SRRM4: variants seen among roughly 807,000 people sequenced by gnomAD.
SRRM4 encodes the protein serine/arginine repetitive matrix 4.
Under a neutral mutation model 68.9 loss-of-function variants are expected in SRRM4, and 33 were observed. That is an observed-to-expected ratio of 0.48 (90% CI 0.36 to 0.64). SRRM4 has a LOEUF of 0.64. Ranked by LOEUF, SRRM4 falls within the 30% of genes least tolerant of loss-of-function variation. The pLI is 0.00. For missense variants in SRRM4, 817 were observed against 827.1 expected (o/e 0.99, Z 0.15); for synonymous variants, 318 against 318.8 (o/e 1.00, Z 0.03).
At chr12:119,059,003 G>C (rs948918869) in intron 1 of SRRM4, among the ~76,000 whole-genome samples, 8 of 152,100 alleles carry the variant, frequency 5.3e-5, no homozygotes, top group African/African-American at 1.9e-4. Flanking sequence ...CCTCTCCTTA[G>C]ATTGCAGCTA....
chr12:119,114,418 A>G, intron 3 of SRRM4, 54 bp downstream of exon 3: 3 of 1,459,452 alleles, frequency 2.1e-6, no homozygotes, highest in Middle Eastern at 1.7e-4. Context: ...GGGACAAAAT[A>G]TGGGTTTCAA....
intron 8 of SRRM4, among the ~76,000 whole-genome samples, chr12:119,140,677 G>C (rs968649991): frequency 6.6e-6 from 1 of 152,226 alleles, no homozygotes; most frequent in African/African-American, 2.4e-5. Flanking sequence ...TAAGAAGTAA[G>C]AAGACCCAGC....
chr12:119,092,177 G>C (rs1289620592), intron 1 of SRRM4, among the ~76,000 whole-genome samples: 1 of 152,162 alleles, frequency 6.6e-6, no homozygotes, highest in Admixed American at 6.5e-5. Context: ...TGCCACTGGA[G>C]CTTACCTCCC....
At chr12:119,024,267 C>G (rs566768654) in intron 1 of SRRM4, among the ~76,000 whole-genome samples, 4 of 152,334 alleles carry the variant, frequency 2.6e-5, no homozygotes, top group Non-Finnish European at 5.9e-5. Context: ...AACTCAAACT[C>G]TGCTGACCCC....
At chr12:119,079,618 C>A (rs983267291) in intron 1 of SRRM4, among the ~76,000 whole-genome samples, 9 of 152,186 alleles carry the variant, frequency 5.9e-5, no homozygotes, top group Admixed American at 5.9e-4. Flanking sequence ...GCACACTTAG[C>A]CTTGCCCTGT....
Position 119,064,568 on chromosome 12 carries a change from C to A in SRRM4, c.132-37668C>A, listed in dbSNP as rs1347786385. Among the ~76,000 whole-genome samples, 3 of 152,296 alleles carry A rather than the reference C, an allele frequency of 2.0e-5. No homozygotes were observed. In the South Asian group the frequency reaches 6.2e-4, roughly 32 times the overall value. On this transcript the variant is annotated intron_variant, in intron 1 of 12. Transcript: ENST00000267260. The stretch of plus-strand genomic sequence containing the variant: ...TGGAAAGAACACTTCAGAAAACTAG[C>A]TATAACTCCGCTCTTAACCTGCTGT...
At chr12:119,002,499 T>A (rs916290531) in intron 1 of SRRM4, among the ~76,000 whole-genome samples, 1 of 152,204 alleles carries the variant, frequency 6.6e-6, no homozygotes, top group Non-Finnish European at 1.5e-5. Context: ...GGCACTGGCG[T>A]TGTCAGAAAC....
Position 118,983,903 on chromosome 12 carries a change from C to T in SRRM4, c.131+1890C>T, listed in dbSNP as rs143325369. ...TGAGACTTTTATAATACTCCACTCC[C>T]CCTCTGCAACCAGTATCATTTCACT... is the stretch of plus-strand genomic sequence containing the variant. On this transcript the variant is annotated intron_variant, in intron 1 of 12. Transcript: ENST00000267260. 6.1e-3 allele frequency among the ~76,000 whole-genome samples: 934 copies of T among 152,272 alleles called. 4 individuals are homozygous for T. The highest frequency in any genetic ancestry group is 9.4e-3 in the Non-Finnish European group (637 of 68,032).
At position 119,102,245 on chromosome 12, in the gene SRRM4, C is replaced by A. The variant is rs759671607; in HGVS notation, c.141C>A (p.Pro47=). 9.5e-5 allele frequency: 153 copies of A among 1,612,684 alleles called. No individual in the cohort carries two copies. Among genetic ancestry groups the A allele is most frequent in the Non-Finnish European group, 1.3e-4 (151 of 1,179,336 alleles). The change falls in exon 2 of 13, where the codon CCC becomes CCA. Residue 47 remains proline, a synonymous_variant. Transcript: ENST00000267260. ...TARKPLPRTE[P]QNNPVVPAQD... ...ATTTCTTCTTCTGTAGGACAGAGCC[C>A]CAGAATAACCCCGTTGTCCCAGCTC...
intron 1 of SRRM4, among the ~76,000 whole-genome samples, chr12:119,026,224 T>A (rs1953547294): frequency 6.6e-6 from 1 of 151,772 alleles, no homozygotes; most frequent in South Asian, 2.1e-4. Flanking sequence ...GTAGGAAGGG[T>A]TCAATAATGA....
intron 1 of SRRM4, among the ~76,000 whole-genome samples, chr12:119,044,652 A>G (rs1953693688): frequency 6.6e-6 from 1 of 152,184 alleles, no homozygotes; most frequent in Non-Finnish European, 1.5e-5. Context: ...ATTTTCTGCA[A>G]AATGTGGATT....
intron 1 of SRRM4, among the ~76,000 whole-genome samples, chr12:118,990,125 A>T (rs1342821052): frequency 6.6e-6 from 1 of 152,232 alleles, no homozygotes; most frequent in Non-Finnish European, 1.5e-5. Flanking sequence ...CCTATTTTAC[A>T]GATGAGAAAA....
intron 1 of SRRM4, among the ~76,000 whole-genome samples, chr12:118,996,818 G>A (rs947863625): frequency 1.3e-5 from 2 of 152,200 alleles, no homozygotes; most frequent in African/African-American, 4.8e-5. Flanking sequence ...ACTTTTCCCA[G>A]AGTCAAGGTA....
Position 119,107,803 on chromosome 12 carries a change from T to A in SRRM4, c.278+5421T>A, listed in dbSNP as rs1592900537. 2.0e-5 allele frequency among the ~76,000 whole-genome samples: 3 copies of A among 152,324 alleles called. No homozygotes were observed. In the South Asian group the frequency reaches 6.2e-4, roughly 32 times the overall value. On this transcript the variant is annotated intron_variant, in intron 2 of 12. Coordinates refer to ENST00000267260, the MANE Select transcript of SRRM4 (RefSeq NM_194286.4). Reference sequence around the variant, plus strand: ...TTCATTGATTTTTTGAAGGGTTTTTTGTGTATCTCCTTCAGTTCTGCTCTG... The same window carrying A: ...TTCATTGATTTTTTGAAGGGTTTTTAGTGTATCTCCTTCAGTTCTGCTCTG...
At chr12:118,999,118 C>T (rs890107631) in intron 1 of SRRM4, among the ~76,000 whole-genome samples, 2 of 152,168 alleles carry the variant, frequency 1.3e-5, no homozygotes, top group African/African-American at 2.4e-5. Context: ...TTTATCCTAT[C>T]TGGAAGGATG....
At chr12:119,132,886 C>A (rs1954306792) in intron 8 of SRRM4, 1 of 152,154 alleles carries the variant, frequency 6.6e-6, no homozygotes. Context: ...AATTCGTGGT[C>A]ACATCATGTC....
At chr12:119,127,529 A>T (rs1414683943) in intron 7 of SRRM4, among the ~76,000 whole-genome samples, 1 of 152,136 alleles carries the variant, frequency 6.6e-6, no homozygotes, top group Non-Finnish European at 1.5e-5. Flanking sequence ...GGAGTTAGTG[A>T]TCACCCTGGC....
rs573331942 is a variant in SRRM4 at position 119,099,325 on chromosome 12, G to T, written c.132-2911G>T. Among the ~76,000 whole-genome samples the T allele has an allele frequency of 2.9e-3, 437 of 152,208 alleles. 14 individuals are homozygous for T. Among genetic ancestry groups the T allele is most frequent in the Middle Eastern group, 0.014 (4 of 294 alleles). On this transcript the variant is annotated intron_variant, in intron 1 of 12. Transcript: ENST00000267260. ...ATTCTTTTATTTTTAGTAGAGAAAG[G>T]GTTCTGCCATATTGGCCAGGCTGGT...
chr12:119,002,266 A>G (rs1953389515), intron 1 of SRRM4, among the ~76,000 whole-genome samples: 1 of 152,102 alleles, frequency 6.6e-6, no homozygotes, highest in Non-Finnish European at 1.5e-5. Flanking sequence ...TTGATCTTTG[A>G]GGAGTTACCT....
Sources: gnomAD v4.1 joint callset for allele counts (sites outside exome capture counted in the v4.1 genomes callset) on GRCh38, gnomAD v4.1.1 for gene constraint, MANE v1.5 for transcripts, NCBI Gene and HGNC (gene_info 2026-07-23, HGNC 2026-07-21) for gene names.